The following FER1L6 variants were observed in gnomAD, a reference collection of about 807,000 sequenced individuals.
FER1L6 encodes the protein fer-1 like family member 6.
Under a neutral mutation model 219.2 loss-of-function variants are expected in FER1L6, and 177 were observed. The observed-to-expected ratio is 0.81, with a 90% confidence interval of 0.71 to 0.91. The LOEUF (loss-of-function observed/expected upper bound fraction) is 0.91, where lower values mean the gene tolerates loss of function less well. FER1L6 is among the 40% of genes least tolerant of loss of function. The pLI is 0.00. For missense variants in FER1L6, 2,153 were observed against 2,259.9 expected (o/e 0.95, Z 0.96); for synonymous variants, 768 against 824.3 (o/e 0.93, Z 1.17).
intron 17 of FER1L6, 48 bp downstream of exon 17, chr8:124,021,717 T>C (rs371601854): frequency 3.1e-5 from 49 of 1,605,036 alleles, no homozygotes; most frequent in Middle Eastern, 1.7e-4. Flanking sequence ...AGATGGAATG[T>C]CTTCCAGGGA....
chr8:123,917,373 C>T (rs1316408665), intron 1 of FER1L6, among the ~76,000 whole-genome samples: 1 of 152,206 alleles, frequency 6.6e-6, no homozygotes, highest in Non-Finnish European at 1.5e-5. Flanking sequence ...GTGTCCAGTA[C>T]ATCAATAATA....
rs35857676 is a variant in FER1L6 at position 123,935,947 on chromosome 8, CAA to C, written c.-7-20031_-7-20030del. 1.1e-3 allele frequency among the ~76,000 whole-genome samples: 163 copies of C among 143,110 alleles called. No individual in the cohort carries two copies. In the East Asian group the frequency reaches 0.017, roughly 15 times the overall value. 93.9% of individuals were successfully genotyped at this position (143,110 alleles called of 152,430 possible). A position where few individuals can be genotyped will look rare whatever the true frequency, so the allele number is the denominator to read the frequency against. On this transcript the variant is annotated intron_variant, in intron 1 of 40. Transcript: ENST00000522917. Reference sequence around the variant, plus strand: ...TTAAAATCCTGCGAACTGGCTAATGCAAAAAAAAAAAAAAATCAAATCTGAAA... The same window carrying C: ...TTAAAATCCTGCGAACTGGCTAATGCAAAAAAAAAAAAATCAAATCTGAAA...
intron 1 of FER1L6, among the ~76,000 whole-genome samples, chr8:123,921,539 ATTTT>A (rs34702833): frequency 2.1e-5 from 3 of 141,842 alleles, no homozygotes; most frequent in East Asian, 2.1e-4. Flanking sequence ...TAATTTTTGG[ATTTT>A]TTTTTTTTTT....
chr8:124,044,724 G>A (rs965312801), intron 20 of FER1L6, among the ~76,000 whole-genome samples: 38 of 152,224 alleles, frequency 2.5e-4, no homozygotes, highest in African/African-American at 8.7e-4. Context: ...CTGCATTAAT[G>A]GAATAGCTTC....
At chr8:123,977,381 C>T in intron 9 of FER1L6, 36 bp from the exon 10 acceptor site, 1 of 1,589,966 alleles carries the variant, frequency 6.3e-7, no homozygotes, top group Non-Finnish European at 8.6e-7. Flanking sequence ...CAGTCAGTCC[C>T]TTCCATGACT....
chr8:123,902,031 T>A (rs1242124147), intron 1 of FER1L6, among the ~76,000 whole-genome samples: 1 of 152,084 alleles, frequency 6.6e-6, no homozygotes, highest in African/African-American at 2.4e-5. Context: ...ACTCAAAGAA[T>A]TTTTAAATTT....
intron 1 of FER1L6, among the ~76,000 whole-genome samples, chr8:123,916,670 T>C (rs1280241885): frequency 6.6e-6 from 1 of 152,214 alleles, no homozygotes; most frequent in African/African-American, 2.4e-5. Context: ...TGGAGGTTTT[T>C]AGCAAGGCTT....
In FER1L6 at chr8:124,035,283, G is replaced by A. The variant is rs1819149202; in HGVS notation, c.2293G>A (p.Gly765Arg). 2 of 1,613,354 alleles carry A rather than the reference G, an allele frequency of 1.2e-6. No individual in the cohort carries two copies. The highest frequency in any genetic ancestry group is 3.3e-5 in the Admixed American group (2 of 59,874). ...TTTTGTAACCTTTCTCCAGCCTCCTGGGAAACGACCGGCTGGTTGGTCTGT... is the reference window on the plus strand; with the variant it reads ...TTTTGTAACCTTTCTCCAGCCTCCTAGGAAACGACCGGCTGGTTGGTCTGT... Reference protein sequence around the residue: ...KIKTHFLKPPGKRPAGWSVQA... With the variant: ...KIKTHFLKPPRKRPAGWSVQA... Residue 765 changes from glycine to arginine, a missense_variant, in exon 19 of 41, where the codon GGG becomes AGG. Transcript: ENST00000522917.
chr8:124,000,886 A>G (rs1167642312), intron 12 of FER1L6, among the ~76,000 whole-genome samples: 1 of 152,192 alleles, frequency 6.6e-6, no homozygotes, highest in Non-Finnish European at 1.5e-5. Flanking sequence ...ATGGAGATAC[A>G]TTTTGGGAAC....
chr8:123,923,912 C>T (rs1813459166), intron 1 of FER1L6, among the ~76,000 whole-genome samples: 1 of 146,230 alleles, frequency 6.8e-6, no homozygotes, highest in South Asian at 2.2e-4. Context: ...CGCGCTCCAG[C>T]CTGGACTACA....
intron 1 of FER1L6, among the ~76,000 whole-genome samples, chr8:123,923,866 C>G: frequency 6.7e-6 from 1 of 148,680 alleles, no homozygotes; most frequent in African/African-American, 2.5e-5. Context: ...GAACTGGGAC[C>G]CAGGAGGCAG....
At chr8:124,041,426 C>T (rs969093845) in intron 20 of FER1L6, among the ~76,000 whole-genome samples, 1 of 152,210 alleles carries the variant, frequency 6.6e-6, no homozygotes, top group Non-Finnish European at 1.5e-5. Flanking sequence ...ATTTATGACT[C>T]GCACACTGAC....
At chr8:123,938,572 A>T (rs1280414555) in intron 1 of FER1L6, among the ~76,000 whole-genome samples, 2 of 127,506 alleles carry the variant, frequency 1.6e-5, no homozygotes, top group Non-Finnish European at 1.6e-5. Context: ...TTTGAGACAG[A>T]TCCTCATTCT....
intron 28 of FER1L6, among the ~76,000 whole-genome samples, chr8:124,068,856 A>G (rs1420244672): frequency 6.6e-6 from 1 of 152,058 alleles, no homozygotes; most frequent in Admixed American, 6.5e-5. Context: ...GCAGTCAGGC[A>G]GTGTACAGAC....
At chr8:123,961,012 G>A (rs1815249519) in intron 2 of FER1L6, among the ~76,000 whole-genome samples, 1 of 152,096 alleles carries the variant, frequency 6.6e-6, no homozygotes, top group South Asian at 2.1e-4. Flanking sequence ...ACTTTGGGAG[G>A]CTAAGGTGGG....
intron 1 of FER1L6, among the ~76,000 whole-genome samples, chr8:123,922,908 C>G (rs908780116): frequency 3.3e-5 from 5 of 152,126 alleles, no homozygotes; most frequent in African/African-American, 1.2e-4. Context: ...CCACTTTCCT[C>G]CCTCCCACTA....
intron 1 of FER1L6, among the ~76,000 whole-genome samples, chr8:123,936,441 G>A (rs543294602): frequency 7.1e-6 from 1 of 141,522 alleles, no homozygotes; most frequent in South Asian, 2.3e-4. Context: ...GACATTTTTA[G>A]ATAAAAGATA....
rs539389543 is a variant in FER1L6, at chr8:123,897,559, G to A, written c.-8+45374G>A. Reference sequence around the variant, plus strand: ...TGACACATAGTTACAACATAATTACGTACAGAAATATATGTAAGACAATTA... The same window carrying A: ...TGACACATAGTTACAACATAATTACATACAGAAATATATGTAAGACAATTA... On this transcript the variant is annotated intron_variant, in intron 1 of 40. Transcript: ENST00000522917. Among the ~76,000 whole-genome samples, 29 of 152,232 alleles carry A rather than the reference G, an allele frequency of 1.9e-4. No individual in the cohort carries two copies. In the South Asian group the frequency reaches 5.2e-3, roughly 27 times the overall value.
At chr8:123,923,878 T>C (rs569920720) in intron 1 of FER1L6, among the ~76,000 whole-genome samples, 34 of 140,952 alleles carry the variant, frequency 2.4e-4, no homozygotes, top group Middle Eastern at 8.2e-3. Context: ...AGGAGGCAGC[T>C]GCAGTGAGCC....
Sources: gnomAD v4.1 joint callset for allele counts (sites outside exome capture counted in the v4.1 genomes callset) on GRCh38, gnomAD v4.1.1 for gene constraint, MANE v1.5 for transcripts, NCBI Gene and HGNC (gene_info 2026-07-23, HGNC 2026-07-21) for gene names.